SMAP2: variants seen among roughly 807,000 people sequenced by gnomAD.
SMAP2 encodes the protein stromal membrane-associated protein 2.
Under a neutral mutation model 56.4 loss-of-function variants are expected in SMAP2, and 25 were observed. The observed-to-expected ratio is 0.44, with a 90% CI of 0.32 to 0.62. The LOEUF (loss-of-function observed/expected upper bound fraction) is 0.62, where lower values mean the gene tolerates loss of function less well. Ranked by LOEUF, SMAP2 falls within the 20% of genes least tolerant of loss-of-function variation. The probability of loss-of-function intolerance (pLI) is 0.04; values close to 1 mark genes in which losing one functional copy is unlikely to be tolerated. For missense variants in SMAP2, 388 were observed against 545.6 expected (o/e 0.71, Z 2.88); for synonymous variants, 157 against 181.7 (o/e 0.86, Z 1.09).
Position 40,347,105 on chromosome 1 carries a change from A to G in SMAP2, c.-83+2195A>G, listed in dbSNP as rs930314686. ...GTTGCCCAGGCCAGAGTGCGGTGGC[A>G]TGATCTCGGCTCACTGCAGCCTCTG... On this transcript the variant is annotated intron_variant, in intron 1 of 6. Coordinates refer to the SMAP2 transcript ENST00000435168. 2.0e-5 allele frequency among the ~76,000 whole-genome samples: 3 copies of G among 151,826 alleles called. No homozygotes were observed. The South Asian group carries it at 6.2e-4, about 32-fold the overall frequency.
Position 40,416,178 on chromosome 1 carries a change from T to G in SMAP2, c.684T>G (p.Val228=). ...PSPSSSGSRK[V]VGSMPTAGSA... Reference sequence around the variant, plus strand: ...CCCCCCGCCCTCTTTGCCCTAAGGTTGTAGGTTCCATGCCAACTGCAGGGA... The same window carrying G: ...CCCCCCGCCCTCTTTGCCCTAAGGTGGTAGGTTCCATGCCAACTGCAGGGA... The change falls in exon 8 of 10, where the codon GTT becomes GTG. Residue 228 remains valine (V), a splice_region_variant and synonymous_variant. Transcript: ENST00000372718. 6.2e-7 allele frequency: 1 copy of G among 1,613,466 alleles called. No individual in the cohort carries two copies. The highest frequency in any genetic ancestry group is 8.5e-7 in the Non-Finnish European group (1 of 1,179,666).
At position 40,385,169 on chromosome 1, in the gene SMAP2, G is replaced by A. The variant is rs1260699948; in HGVS notation, c.103+10946G>A. 6.6e-6 allele frequency among the ~76,000 whole-genome samples: 1 copy of A among 152,090 alleles called. No individual in the cohort carries two copies. Among genetic ancestry groups the A allele is most frequent in the Non-Finnish European group, 1.5e-5 (1 of 68,022 alleles). On this transcript the variant is annotated intron_variant, in intron 1 of 9. Coordinates refer to ENST00000372718, the MANE Select transcript of SMAP2 (RefSeq NM_022733.3). The surrounding 1 kb of genome is among the most constrained non-coding windows in gnomAD (Gnocchi z 4.5). Reference sequence around the variant, plus strand: ...CCCCTTATCCCCCATCCTCCCTCATGTGTGGCTGAAGCTTGCCCTGGAATC... The same window carrying A: ...CCCCTTATCCCCCATCCTCCCTCATATGTGGCTGAAGCTTGCCCTGGAATC...
chr1:40,408,488 G>C lies in SMAP2; in HGVS notation c.238-165G>C, dbSNP rs1644906257. On this transcript the variant is annotated intron_variant, in intron 2 of 9. Transcript: ENST00000372718. This position sits in a 1 kb window ranked among gnomAD's most constrained non-coding sequence, Gnocchi z 4.3. ...GCAAATGATTGGGAAATCCTAGTAAGGTAGAGGGAATCATGAATTGGAAAT... is the reference window on the plus strand; with the variant it reads ...GCAAATGATTGGGAAATCCTAGTAACGTAGAGGGAATCATGAATTGGAAAT... 1.3e-5 allele frequency among the ~76,000 whole-genome samples: 2 copies of C among 152,140 alleles called. No individual in the cohort carries two copies. The highest frequency in any genetic ancestry group is 4.8e-5 in the African/African-American group (2 of 41,422).
At chr1:40,373,644 C>T (rs141217109), upstream of SMAP2, 461 of 157,894 alleles carry the variant, frequency 2.9e-3, no homozygotes, top group African/African-American at 0.01. Context: ...AGGAAGAGCC[C>T]AGTGCGGCGC....
At chr1:40,390,188 A>G (rs558716210) in intron 1 of SMAP2, among the ~76,000 whole-genome samples, 2 of 152,246 alleles carry the variant, frequency 1.3e-5, no homozygotes, top group South Asian at 4.1e-4. Context: ...CTAACCAACC[A>G]TCTGTACTTT....
Position 40,361,388 on chromosome 1 carries a change from G to A in SMAP2, c.-82-912G>A, listed in dbSNP as rs143660481. Among the ~76,000 whole-genome samples, 116 of 152,262 alleles carry A rather than the reference G, an allele frequency of 7.6e-4. 1 individual carries two copies. The highest frequency in any genetic ancestry group is 2.6e-3 in the African/African-American group (110 of 41,554). ...GGCCTTGGGTGAGACTCAGAGATGTGCTGGCTTAATGTGTGACCCAGCACA... is the reference window on the plus strand; with the variant it reads ...GGCCTTGGGTGAGACTCAGAGATGTACTGGCTTAATGTGTGACCCAGCACA... On this transcript the variant is annotated intron_variant, in intron 1 of 6. Coordinates refer to the SMAP2 transcript ENST00000435168.
At chr1:40,415,226 G>C (rs750577677) in intron 6 of SMAP2, 46 bp from the exon 7 acceptor site, 4 of 1,414,616 alleles carry the variant, frequency 2.8e-6, no homozygotes, top group Admixed American at 1.7e-5. Context: ...GGAAGGCATG[G>C]GCTTAATAAG....
chr1:40,377,883 T>C (rs2124214798), intron 1 of SMAP2, among the ~76,000 whole-genome samples: 1 of 152,308 alleles, frequency 6.6e-6, no homozygotes, highest in Admixed American at 6.5e-5. Flanking sequence ...AGGAACCTTC[T>C]GGGGTACTAA....
rs1329394751 is a variant in SMAP2, at chr1:40,345,883, G to GTATTA, written c.-83+977_-83+978insATATT. Reference sequence around the variant, plus strand: ...ATATTATATTATATTGTATTATATTGTATTGTATTATATTATATTATATTA... The same window carrying GTATTA: ...ATATTATATTATATTGTATTATATTGTATTATATTGTATTATATTATATTATATTA... On this transcript the variant is annotated intron_variant, in intron 1 of 6. Transcript: ENST00000435168. Among the ~76,000 whole-genome samples the GTATTA allele has an allele frequency of 2.5e-3, 147 of 58,630 alleles. 1 individual carries two copies. The East Asian group carries it at 0.026, about 10-fold the overall frequency. The allele number at this position is 58,630 out of a possible 152,430, so 38.5% of individuals were successfully genotyped here.
At chr1:40,421,606 G>A (rs1369286872) in intron 9 of SMAP2, among the ~76,000 whole-genome samples, 2 of 152,120 alleles carry the variant, frequency 1.3e-5, no homozygotes, top group Non-Finnish European at 2.9e-5. Flanking sequence ...CTGGGGAGGG[G>A]GCTTTCCTTT....
At chr1:40,409,457 CT>C (rs1644915043) in intron 3 of SMAP2, among the ~76,000 whole-genome samples, 2 of 152,318 alleles carry the variant, frequency 1.3e-5, no homozygotes, top group Admixed American at 6.5e-5. Context: ...CATTTGACTG[CT>C]TTACCTATAT....
intron 7 of SMAP2, 80 bp from the exon 8 acceptor site, chr1:40,416,096 C>A: frequency 7.5e-7 from 1 of 1,336,858 alleles, no homozygotes; most frequent in Non-Finnish European, 1.0e-6. Context: ...ATGTTAGGAG[C>A]AGCAGAGAGG....
chr1:40,390,415 A>G (rs1644704739), intron 1 of SMAP2, among the ~76,000 whole-genome samples: 2 of 152,114 alleles, frequency 1.3e-5, no homozygotes, highest in Non-Finnish European at 2.9e-5. Context: ...GCTCACTTAG[A>G]AGGTTTTATG....
At position 40,399,319 on chromosome 1, in the gene SMAP2, T is replaced by TTTA. The variant is rs1372156466; in HGVS notation, c.104-7415_104-7414insATT. On this transcript the variant is annotated intron_variant, in intron 1 of 9. Transcript: ENST00000372718. The stretch of plus-strand genomic sequence containing the variant: ...GCCACTACGTGTGGCTATTTTTTTT[T>TTTA]TTTTTTTTTTTTGTATTTTTAGTAG... Among the ~76,000 whole-genome samples, 365 of 137,306 alleles carry TTTA rather than the reference T, an allele frequency of 2.7e-3. 14 individuals carry two copies. In the East Asian group the frequency reaches 0.063, roughly 24 times the overall value. 90.1% of individuals were successfully genotyped at this position (137,306 alleles called of 152,430 possible).
intron 1 of SMAP2, among the ~76,000 whole-genome samples, chr1:40,379,954 G>C (rs1306417682): frequency 6.6e-6 from 1 of 152,198 alleles, no homozygotes; most frequent in African/African-American, 2.4e-5. Flanking sequence ...TATTGGAACA[G>C]CCAGTTAAAT....
intron 1 of SMAP2, among the ~76,000 whole-genome samples, chr1:40,377,916 T>A (rs1644557453): frequency 6.6e-6 from 1 of 152,196 alleles, no homozygotes; most frequent in Non-Finnish European, 1.5e-5. Context: ...CTCAAGTCCC[T>A]GATATAAATG....
chr1:40,371,457 G>A (rs533372515), upstream of SMAP2, among the ~76,000 whole-genome samples: 35 of 152,264 alleles, frequency 2.3e-4, 1 homozygote, highest in South Asian at 7.3e-3. Context: ...AAAACTCAAT[G>A]GCAACACAAT....
chr1:40,416,199 A>C lies in SMAP2; in HGVS notation c.705A>C (p.Ala235=). The C allele has an allele frequency of 6.2e-7, 1 of 1,613,876 alleles. No homozygotes were observed. Among genetic ancestry groups the C allele is most frequent in the Non-Finnish European group, 8.5e-7 (1 of 1,179,926 alleles). The change falls in exon 8 of 10, where the codon GCA becomes GCC. Residue 235 remains alanine, a synonymous_variant. Transcript: ENST00000372718. ...AGGTTGTAGGTTCCATGCCAACTGCAGGGAGTGCCGGCTCTGTTCCTGAAA... is the reference window on the plus strand; with the variant it reads ...AGGTTGTAGGTTCCATGCCAACTGCCGGGAGTGCCGGCTCTGTTCCTGAAA... ...SRKVVGSMPT[A]GSAGSVPENL... is the part of the protein sequence containing the mutation.
At chr1:40,348,095 A>C (rs1282253998) in intron 1 of SMAP2, among the ~76,000 whole-genome samples, 1 of 152,136 alleles carries the variant, frequency 6.6e-6, no homozygotes, top group Non-Finnish European at 1.5e-5. Context: ...TCAGGAGTTC[A>C]AGACCAGCCT....
Sources: allele counts gnomAD v4.1 joint callset (sites outside exome capture counted in the v4.1 genomes callset), GRCh38; gene constraint gnomAD v4.1.1; non-coding constraint Gnocchi (gnomAD v3.1); transcripts MANE v1.5; gene names NCBI Gene and HGNC (gene_info 2026-07-23, HGNC 2026-07-21).